PIK3C2A: variants seen among roughly 807,000 people sequenced by gnomAD.
PIK3C2A encodes the protein phosphatidylinositol 4-phosphate 3-kinase C2 domain-containing subunit alpha.
In PIK3C2A, 97 loss-of-function variants were observed where a neutral mutation model predicts 204.5. The ratio of observed to expected loss-of-function variants is 0.47; its 90% confidence interval spans 0.40 to 0.56. The LOEUF is 0.56. Among genes scored for constraint, PIK3C2A ranks in the 20% least tolerant of loss-of-function variants. The pLI is 0.00. For missense variants in PIK3C2A, 1,735 were observed against 1,969.2 expected (o/e 0.88, Z 2.25); for synonymous variants, 653 against 664.4 (o/e 0.98, Z 0.26).
At position 17,088,502 on chromosome 11, in the gene PIK3C2A, A is replaced by C. The variant is rs999987928; in HGVS notation, c.*1236T>G. 2 of 152,212 alleles carry C rather than the reference A, an allele frequency of 1.3e-5. No homozygotes were observed. The highest frequency in any genetic ancestry group is 4.8e-5 in the African/African-American group (2 of 41,464). The allele number at this position is 152,212 out of a possible 1,614,324, so 9.4% of individuals were successfully genotyped here. A position where few individuals can be genotyped will look rare whatever the true frequency, so the allele number is the denominator to read the frequency against. On this transcript the variant is annotated 3_prime_UTR_variant, in exon 33 of 33. Transcript: ENST00000691414. Reference sequence around the variant, plus strand: ...GGTGATCCGCCCACCTTGGCCTCCCAAAGTGTTGGGATTACAGGCAGGAGC... The same window carrying C: ...GGTGATCCGCCCACCTTGGCCTCCCCAAGTGTTGGGATTACAGGCAGGAGC...
chr11:17,201,137 C>T (rs960692890), intron 1 of PIK3C2A, among the ~76,000 whole-genome samples: 7 of 151,996 alleles, frequency 4.6e-5, no homozygotes, highest in East Asian at 1.9e-4. Context: ...ACCTGTGAGG[C>T]GGAGGTTGCA....
chr11:17,146,682 T>C (rs1181225197), intron 6 of PIK3C2A, among the ~76,000 whole-genome samples: 3 of 151,322 alleles, frequency 2.0e-5, no homozygotes, highest in Non-Finnish European at 2.9e-5. Flanking sequence ...GATCACATCA[T>C]TGCACTCCAG....
chr11:17,149,940 G>T (rs1850373655), intron 4 of PIK3C2A, among the ~76,000 whole-genome samples: 1 of 152,088 alleles, frequency 6.6e-6, no homozygotes, highest in Non-Finnish European at 1.5e-5. Flanking sequence ...TAGAAATACA[G>T]GATCTCATTC....
chr11:17,189,610 C>T (rs1317166684), intron 1 of PIK3C2A, among the ~76,000 whole-genome samples: 5 of 129,094 alleles, frequency 3.9e-5, no homozygotes, highest in African/African-American at 1.8e-4. Flanking sequence ...TATTCACAGG[C>T]GTGTGACCAT....
chr11:17,182,774 C>G (rs770797516), intron 1 of PIK3C2A, among the ~76,000 whole-genome samples: 4 of 152,084 alleles, frequency 2.6e-5, no homozygotes, highest in Non-Finnish European at 5.9e-5. Context: ...TGTTCATCAT[C>G]TGTGAATTAA....
chr11:17,099,101 G>A (rs1848540524), intron 26 of PIK3C2A, among the ~76,000 whole-genome samples: 1 of 152,138 alleles, frequency 6.6e-6, no homozygotes, highest in Non-Finnish European at 1.5e-5. Flanking sequence ...CTCCATGTTG[G>A]TCAGGATGGT....
intron 8 of PIK3C2A, among the ~76,000 whole-genome samples, chr11:17,141,880 C>T (rs7123301): frequency 0.42 from 63,850 of 151,998 alleles, 13,762 homozygotes; most frequent in Non-Finnish European, 0.47. Context: ...CAGAATTAGA[C>T]TGAATGTGAA....
chr11:17,193,540 GA>G, intron 1 of PIK3C2A: 1 of 442,636 alleles, frequency 2.3e-6, no homozygotes, highest in Non-Finnish European at 4.5e-6. Flanking sequence ...AAATGGCACA[GA>G]AATGGTATTA....
Position 17,122,194 on chromosome 11 carries a change from G to T in PIK3C2A, c.2651C>A (p.Ser884Ter). The change falls in exon 15 of 33, where the codon TCA becomes TAA. Residue 884 changes from serine (S) to a stop codon, truncating the protein, a stop_gained. Transcript: ENST00000691414. LOFTEE classifies it high-confidence loss of function. ...CAGAATAAACAGAACATACCCAAGT[G>T]ATGAGTCTTTATGAAGAATATCAAG... ...KLLDILHKDS[S>*]LGLSKEDKAF... 6.3e-7 allele frequency: 1 copy of T among 1,581,944 alleles called. No individual in the cohort carries two copies. Among genetic ancestry groups the T allele is most frequent in the Non-Finnish European group, 8.7e-7 (1 of 1,153,924 alleles).
At chr11:17,205,291 T>A (rs1012369290) in intron 1 of PIK3C2A, among the ~76,000 whole-genome samples, 2 of 151,714 alleles carry the variant, frequency 1.3e-5, no homozygotes, top group Non-Finnish European at 2.9e-5. Flanking sequence ...CCAACCAACA[T>A]GGTGAAACCC....
At chr11:17,159,338 T>C (rs957814439) in intron 2 of PIK3C2A, among the ~76,000 whole-genome samples, 1 of 152,202 alleles carries the variant, frequency 6.6e-6, no homozygotes, top group Non-Finnish European at 1.5e-5. Flanking sequence ...AGATATATGA[T>C]AATCAATAAG....
At chr11:17,155,827 G>A (rs1187061941) in intron 2 of PIK3C2A, among the ~76,000 whole-genome samples, 198 bp from the exon 3 acceptor site, 2 of 151,946 alleles carry the variant, frequency 1.3e-5, no homozygotes, top group Non-Finnish European at 2.9e-5. Context: ...TTCGTTCCTT[G>A]GTTTTACTTG....
Position 17,086,978 on chromosome 11 carries a change from TAGA to T in PIK3C2A, c.*2757_*2759del, listed in dbSNP as rs1848178857. ...CAAAGATCATACATGCCTTAACATT[TAGA>T]TACCTATAGATTCATATAAAGGCAG... On this transcript the variant is annotated 3_prime_UTR_variant, in exon 33 of 33. Coordinates refer to ENST00000691414, the MANE Select transcript of PIK3C2A (RefSeq NM_002645.4). The T allele has an allele frequency of 6.6e-6, 1 of 152,204 alleles. No homozygotes were observed. The highest frequency in any genetic ancestry group is 1.5e-5 in the Non-Finnish European group (1 of 68,018). The allele number at this position is 152,204 out of a possible 1,614,324, so 9.4% of individuals were successfully genotyped here.
At chr11:17,124,703 T>C (rs1349889572) in intron 13 of PIK3C2A, among the ~76,000 whole-genome samples, 1 of 152,252 alleles carries the variant, frequency 6.6e-6, no homozygotes, top group African/African-American at 2.4e-5. Context: ...TGCTTTTGCA[T>C]TTGTGACAGA....
intron 9 of PIK3C2A, among the ~76,000 whole-genome samples, chr11:17,136,214 C>T (rs1849867128): frequency 6.6e-6 from 1 of 152,114 alleles, no homozygotes. Context: ...TCCTTAAACC[C>T]CAAACCAACT....
intron 2 of PIK3C2A, 122 bp downstream of exon 2, chr11:17,168,555 T>C: frequency 1.4e-6 from 1 of 704,308 alleles, no homozygotes; most frequent in African/African-American, 1.8e-5. Flanking sequence ...CACTCCAGCC[T>C]GGGCGACAGA....
chr11:17,203,550 GAAC>G (rs1444697143), intron 1 of PIK3C2A, among the ~76,000 whole-genome samples: 1 of 152,090 alleles, frequency 6.6e-6, no homozygotes, highest in Non-Finnish European at 1.5e-5. Flanking sequence ...CTCATCAAAA[GAAC>G]ATCATATATG....
intron 13 of PIK3C2A, among the ~76,000 whole-genome samples, chr11:17,125,056 T>G (rs1206306927): frequency 6.6e-6 from 1 of 152,238 alleles, no homozygotes; most frequent in African/African-American, 2.4e-5. Flanking sequence ...TTGGGTTATC[T>G]CTCTGTGATG....
intron 9 of PIK3C2A, among the ~76,000 whole-genome samples, chr11:17,136,176 C>A (rs1375661703): frequency 6.6e-6 from 1 of 152,138 alleles, no homozygotes; most frequent in Non-Finnish European, 1.5e-5. Flanking sequence ...TAGTTACTGT[C>A]CTCCAGGTCT....
Sources: gnomAD v4.1 joint callset for allele counts (sites outside exome capture counted in the v4.1 genomes callset) on GRCh38, gnomAD v4.1.1 for gene constraint, MANE v1.5 for transcripts, NCBI Gene and HGNC (gene_info 2026-07-23, HGNC 2026-07-21) for gene names.